GDA: variants seen among roughly 807,000 people sequenced by gnomAD.
The protein encoded by GDA is cytoplasmic PSD-95 interactor.
In GDA, 18 loss-of-function variants were observed where a neutral mutation model predicts 59.6. The ratio of observed to expected loss-of-function variants is 0.30; its 90% CI spans 0.21 to 0.45. The LOEUF (loss-of-function observed/expected upper bound fraction) is 0.45. Ranked by LOEUF, GDA falls within the 20% of genes least tolerant of loss-of-function variation. GDA has a pLI of 1.00. For synonymous variants in GDA, 201 were observed against 201.1 expected (o/e 1.00, Z 0.00); for missense variants, 427 against 552.3 (o/e 0.77, Z 2.27).
At position 72,213,717 on chromosome 9, in the gene GDA, G is replaced by T. The variant is rs557191937; in HGVS notation, c.473-169G>T. On this transcript the variant is annotated intron_variant, in intron 4 of 13. Coordinates refer to ENST00000358399, the MANE Select transcript of GDA (RefSeq NM_004293.5). Reference sequence around the variant, plus strand: ...ACTCGGGAGGCTGAGGCAGGAGAATGGCATGAACCTGGGAGGCGGAGCTTG... The same window carrying T: ...ACTCGGGAGGCTGAGGCAGGAGAATTGCATGAACCTGGGAGGCGGAGCTTG... 2.4e-3 allele frequency among the ~76,000 whole-genome samples: 368 copies of T among 151,770 alleles called. 5 individuals are homozygous for T. The Middle Eastern group carries it at 0.027, about 11-fold the overall frequency.
upstream of GDA, chr9:72,149,339 C>T: frequency 1.8e-6 from 1 of 543,932 alleles, no homozygotes; most frequent in Non-Finnish European, 3.2e-6. Flanking sequence ...GAGCGCGGAG[C>T]CAACTCGCGG....
chr9:72,177,049 C>T (rs7031258), intron 1 of GDA, among the ~76,000 whole-genome samples: 29,538 of 150,212 alleles, frequency 0.2, 3,498 homozygotes, highest in African/African-American at 0.34. Flanking sequence ...CAAAGTGATC[C>T]TAGTGGGAAA....
At chr9:72,139,954 C>T (rs1252567352) in intron 1 of GDA, among the ~76,000 whole-genome samples, 1 of 152,068 alleles carries the variant, frequency 6.6e-6, no homozygotes. Context: ...CTGTACCTAC[C>T]ACACCCTAAT....
chr9:72,258,312 C>CA (rs1564236973), downstream of GDA, among the ~76,000 whole-genome samples: 1 of 149,132 alleles, frequency 6.7e-6, no homozygotes. Flanking sequence ...GACCCTGCCT[C>CA]AAAAAGAAAA....
At chr9:72,191,262 G>A (rs1159952741) in intron 1 of GDA, among the ~76,000 whole-genome samples, 2 of 152,142 alleles carry the variant, frequency 1.3e-5, no homozygotes, top group Non-Finnish European at 2.9e-5. Flanking sequence ...CTACTGTGCT[G>A]CGTGCCTTGT....
intron 6 of GDA, among the ~76,000 whole-genome samples, chr9:72,222,509 T>C (rs1837019130): frequency 6.6e-6 from 1 of 152,178 alleles, no homozygotes; most frequent in East Asian, 1.9e-4. Context: ...CCCATTCTGT[T>C]GGTTGTCTGT....
intron 3 of GDA, among the ~76,000 whole-genome samples, chr9:72,204,107 G>A (rs1321777468): frequency 6.6e-6 from 1 of 152,018 alleles, no homozygotes; most frequent in Non-Finnish European, 1.5e-5. Context: ...GAGCCACCGC[G>A]CCCGGCCGAG....
At chr9:72,238,767 A>G (rs1839293474) in intron 10 of GDA, among the ~76,000 whole-genome samples, 1 of 152,122 alleles carries the variant, frequency 6.6e-6, no homozygotes, top group Non-Finnish European at 1.5e-5. Context: ...AAGGGGGCAG[A>G]TCTTCTGAGA....
At chr9:72,146,318 T>C (rs529398285), upstream of GDA, among the ~76,000 whole-genome samples, 33 of 152,230 alleles carry the variant, frequency 2.2e-4, no homozygotes, top group Admixed American at 1.2e-3. Flanking sequence ...GGGCTCTTTT[T>C]TTCTGAAGGA....
chr9:72,220,202 G>A (rs1328744775), intron 6 of GDA, among the ~76,000 whole-genome samples: 6 of 152,108 alleles, frequency 3.9e-5, no homozygotes, highest in Non-Finnish European at 4.4e-5. Context: ...AATACTGCAT[G>A]ATCTCACTTA....
chr9:72,186,417 A>G (rs1293961488), intron 1 of GDA, among the ~76,000 whole-genome samples: 1 of 152,054 alleles, frequency 6.6e-6, no homozygotes, highest in Non-Finnish European at 1.5e-5. Flanking sequence ...CCAAATGTCT[A>G]AGTGGTTCAC....
intron 1 of GDA, among the ~76,000 whole-genome samples, chr9:72,135,213 C>G (rs1826176122): frequency 6.8e-6 from 1 of 146,590 alleles, no homozygotes; most frequent in African/African-American, 2.7e-5. Context: ...AACATCATGG[C>G]CTACGTACGT....
chr9:72,213,674 G>A (rs1422457221), intron 4 of GDA, among the ~76,000 whole-genome samples: 4 of 151,768 alleles, frequency 2.6e-5, no homozygotes, highest in Non-Finnish European at 5.9e-5. Flanking sequence ...GCGGTGGCGG[G>A]CGCCTGTAGT....
At chr9:72,259,121 T>C (rs1840914082), downstream of GDA, among the ~76,000 whole-genome samples, 1 of 150,706 alleles carries the variant, frequency 6.6e-6, no homozygotes, top group African/African-American at 2.5e-5. Context: ...GCCTCCCAGG[T>C]TTAAGCGATT....
At chr9:72,245,474 A>G (rs1261205129) in intron 12 of GDA, among the ~76,000 whole-genome samples, 196 bp downstream of exon 12, 2 of 152,222 alleles carry the variant, frequency 1.3e-5, no homozygotes, top group African/African-American at 2.4e-5. Flanking sequence ...CAAAACTTTT[A>G]TATTTTGAAT....
chr9:72,248,200 T>A, intron 13 of GDA, 72 bp from the exon 14 acceptor site: 2 of 1,017,070 alleles, frequency 2.0e-6, no homozygotes, highest in Middle Eastern at 2.1e-4. Flanking sequence ...AAAAAAAATC[T>A]CTCCCAATGG....
In GDA at chr9:72,149,522, C is replaced by A. The variant is rs753746160; in HGVS notation, c.-38C>A. ...GCTGCGTCTCCGCCGCGTGCGCCCT[C>A]CTCGACCAGCAGACCCGCGCTGCGC... On this transcript the variant is annotated 5_prime_UTR_variant, in exon 1 of 14. Transcript: ENST00000358399. 6 of 1,604,590 alleles carry A rather than the reference C, an allele frequency of 3.7e-6. No homozygotes were observed. Among genetic ancestry groups the A allele is most frequent in the Non-Finnish European group, 5.1e-6 (6 of 1,177,728 alleles).
chr9:72,201,238 T>C (rs1404889446), intron 2 of GDA, among the ~76,000 whole-genome samples: 1 of 151,980 alleles, frequency 6.6e-6, no homozygotes, highest in Non-Finnish European at 1.5e-5. Flanking sequence ...TGCTGATTTA[T>C]GGTCAAACCT....
chr9:72,193,381 A>G (rs1399166440), intron 1 of GDA, among the ~76,000 whole-genome samples: 5 of 152,240 alleles, frequency 3.3e-5, no homozygotes, highest in African/African-American at 4.8e-5. Context: ...AGACTCGTAA[A>G]GGTAGTGCCT....
Sources: gnomAD v4.1 joint callset for allele counts (sites outside exome capture counted in the v4.1 genomes callset) on GRCh38, gnomAD v4.1.1 for gene constraint, MANE v1.5 for transcripts, NCBI Gene and HGNC (gene_info 2026-07-23, HGNC 2026-07-21) for gene names.